ATP6V1G1: variants seen among roughly 807,000 people sequenced by gnomAD.
The protein encoded by ATP6V1G1 is V-type proton ATPase subunit G 1.
In ATP6V1G1, 14 loss-of-function variants were observed where a neutral mutation model predicts 14.2. The ratio of observed to expected loss-of-function variants is 0.99; its 90% CI spans 0.65 to 1.55. The LOEUF (loss-of-function observed/expected upper bound fraction) is 1.55. Among genes scored for constraint, ATP6V1G1 ranks in the 40% most tolerant of loss-of-function variants. The probability of loss-of-function intolerance (pLI) is 0.00; values close to 1 mark genes in which losing one functional copy is unlikely to be tolerated. For synonymous variants in ATP6V1G1, 65 were observed against 53.3 expected, an observed-to-expected ratio of 1.22 and a Z score of -0.96; for missense variants, 137 against 146.4, an observed-to-expected ratio of 0.94 and a Z score of 0.33.
intron 1 of ATP6V1G1, among the ~76,000 whole-genome samples, chr9:114,592,024 C>T (rs545460904): frequency 1.1e-3 from 172 of 152,320 alleles, no homozygotes; most frequent in African/African-American, 3.6e-3. Context: ...CATTCCTTCT[C>T]AGTCACCACT....
intron 2 of ATP6V1G1, among the ~76,000 whole-genome samples, chr9:114,594,863 T>C (rs1203907219): frequency 1.1e-4 from 1 of 9,136 alleles, no homozygotes; most frequent in African/African-American, 2.3e-3. Context: ...CTTTTTTTCT[T>C]TTTTTTTTTT....
chr9:114,588,048 G>A, intron 1 of ATP6V1G1, 128 bp downstream of exon 1: 1 of 1,042,106 alleles, frequency 9.6e-7, no homozygotes, highest in Non-Finnish European at 1.4e-6. Flanking sequence ...GGAAGGTTGT[G>A]TGTTTCGAAG....
rs186427512 is a variant in ATP6V1G1 at position 114,594,544 on chromosome 9, C to T, written c.183+1892C>T. ...GACTGCAGGTGTGCGCCACCATGCCCGGCTAATTTTTGTATTTTTAGAAGA... is the reference window on the plus strand; with the variant it reads ...GACTGCAGGTGTGCGCCACCATGCCTGGCTAATTTTTGTATTTTTAGAAGA... On this transcript the variant is annotated intron_variant, in intron 2 of 2. Coordinates refer to ENST00000374050, the MANE Select transcript of ATP6V1G1 (RefSeq NM_004888.4). Among the ~76,000 whole-genome samples the T allele has an allele frequency of 3.4e-3, 521 of 151,466 alleles. 26 individuals carry two copies. In the South Asian group the frequency reaches 0.073, roughly 21 times the overall value.
At chr9:114,592,831 T>C (rs1186773432) in intron 2 of ATP6V1G1, among the ~76,000 whole-genome samples, 179 bp downstream of exon 2, 2 of 152,234 alleles carry the variant, frequency 1.3e-5, no homozygotes, top group Non-Finnish European at 2.9e-5. Context: ...CCATTCATAT[T>C]GATTTCTAAT....
At chr9:114,589,759 T>A (rs1326357135) in intron 1 of ATP6V1G1, among the ~76,000 whole-genome samples, 1 of 138,032 alleles carries the variant, frequency 7.2e-6, no homozygotes, top group Non-Finnish European at 1.5e-5. Flanking sequence ...GAGAATAGAT[T>A]GGGGAAGTGC....
chr9:114,594,314 C>T (rs1215496778), intron 2 of ATP6V1G1, among the ~76,000 whole-genome samples: 6 of 151,778 alleles, frequency 4.0e-5, no homozygotes, highest in Admixed American at 3.9e-4. Context: ...GGTGATCTGC[C>T]TGCCCCGGCC....
Position 114,587,856 on chromosome 9 carries a change from G to T in ATP6V1G1, c.18G>T (p.Gln6His). The change falls in exon 1 of 3, where the codon CAG becomes CAT. Residue 6 changes from glutamine (Q) to histidine (H), a missense_variant. Coordinates refer to ENST00000374050, the MANE Select transcript of ATP6V1G1 (RefSeq NM_004888.4). The stretch of plus-strand genomic sequence containing the variant: ...CTGCCGCCATGGCTAGTCAGTCTCA[G>T]GGGATTCAGCAGCTGCTGCAGGCCG... The part of the protein sequence containing the change: MASQS[Q>H]GIQQLLQAEK... 6.3e-7 allele frequency: 1 copy of T among 1,594,244 alleles called. No homozygotes were observed. Among genetic ancestry groups the T allele is most frequent in the East Asian group, 2.3e-5 (1 of 44,154 alleles).
chr9:114,597,520 C>T, intron 2 of ATP6V1G1, 50 bp from the exon 3 acceptor site: 1 of 1,405,030 alleles, frequency 7.1e-7, no homozygotes, highest in South Asian at 1.8e-5. Flanking sequence ...ACCTGACCAA[C>T]CAGAGCATTG....
chr9:114,591,977 A>G (rs977163837), intron 1 of ATP6V1G1, among the ~76,000 whole-genome samples: 4 of 152,148 alleles, frequency 2.6e-5, no homozygotes, highest in Admixed American at 6.5e-5. Context: ...TCTCTCAGCC[A>G]CTTGTGCAGT....
At position 114,587,939 on chromosome 9, in the gene ATP6V1G1, C is replaced by G; in HGVS notation, c.82+19C>G. ...CGCAAAAGTGAGTTTCAGGGTGGGG[C>G]TGCCCGGCGTGGCGCGAGTCGAAGA... On this transcript the variant is annotated intron_variant, in intron 1 of 2. Transcript: ENST00000374050. 1 of 1,560,028 alleles carries G rather than the reference C, an allele frequency of 6.4e-7. No homozygotes were observed. Among genetic ancestry groups the G allele is most frequent in the South Asian group, 1.2e-5 (1 of 84,640 alleles).
rs746753300 is a variant in ATP6V1G1, at chr9:114,587,879, C to T, written c.41C>T (p.Ala14Val). 3 of 1,593,138 alleles carry T rather than the reference C, an allele frequency of 1.9e-6. No homozygotes were observed. Among genetic ancestry groups the T allele is most frequent in the Non-Finnish European group, 2.6e-6 (3 of 1,170,548 alleles). The part of the protein sequence containing the change: ...QSQGIQQLLQ[A>V]EKRAAEKVSE... ...CAGGGGATTCAGCAGCTGCTGCAGG[C>T]CGAGAAGCGGGCAGCCGAGAAGGTG... Residue 14 changes from alanine to valine, a missense_variant, in exon 1 of 3, where the codon GCC becomes GTC. By Grantham distance (64) the Ala-to-Val change is moderately conservative (BLOSUM62 0). Transcript: ENST00000374050.
At position 114,597,567 on chromosome 9, in the gene ATP6V1G1, C is replaced by T. The variant is rs1326867082; in HGVS notation, c.184-3C>T. ...CCTCCGTGACATCACTCCCCATCTC[C>T]AGGCATTGGGATCCCGTGGCAGTTG... On this transcript the variant is annotated splice_polypyrimidine_tract_variant and splice_region_variant and intron_variant, in intron 2 of 2. Coordinates refer to ENST00000374050, the MANE Select transcript of ATP6V1G1 (RefSeq NM_004888.4). 5 of 1,492,988 alleles carry T rather than the reference C, an allele frequency of 3.3e-6. No homozygotes were observed. In the Admixed American group the frequency reaches 7.2e-5, roughly 21 times the overall value. The allele number at this position is 1,492,988 out of a possible 1,614,324, so 92.5% of individuals were successfully genotyped here.
chr9:114,589,662 T>G (rs1040310365), intron 1 of ATP6V1G1, among the ~76,000 whole-genome samples: 3 of 152,222 alleles, frequency 2.0e-5, no homozygotes, highest in African/African-American at 7.2e-5. Context: ...AGTCATGCCC[T>G]TGATAGTGTA....
rs1845136728 is a variant in ATP6V1G1, at chr9:114,587,787, G to A, written c.-52G>A. 1.9e-6 allele frequency: 3 copies of A among 1,539,462 alleles called. No individual in the cohort carries two copies. Among genetic ancestry groups the A allele is most frequent in the Non-Finnish European group, 1.8e-6 (2 of 1,136,474 alleles). ...GGCGGCTGTGTCAGCTGACCCAAGGGGCCTTCGAGGTGCCTTAGGCCGCTT... is the reference window on the plus strand; with the variant it reads ...GGCGGCTGTGTCAGCTGACCCAAGGAGCCTTCGAGGTGCCTTAGGCCGCTT... On this transcript the variant is annotated 5_prime_UTR_variant, in exon 1 of 3. Transcript: ENST00000374050.
chr9:114,588,169 G>A (rs1379608486), intron 1 of ATP6V1G1: 7 of 542,782 alleles, frequency 1.3e-5, no homozygotes, highest in Non-Finnish European at 2.3e-5. Context: ...GGGCCTGGAG[G>A]CATGTGAAAT....
intron 1 of ATP6V1G1, among the ~76,000 whole-genome samples, chr9:114,589,477 A>G (rs1431559352): frequency 6.6e-6 from 1 of 152,072 alleles, no homozygotes; most frequent in South Asian, 2.1e-4. Flanking sequence ...TTCTCCTAGT[A>G]TAGGAGTTAT....
At chr9:114,591,167 T>C (rs139506182) in intron 1 of ATP6V1G1, among the ~76,000 whole-genome samples, 2 of 152,318 alleles carry the variant, frequency 1.3e-5, no homozygotes, top group African/African-American at 4.8e-5. Context: ...CTGGCTCCCA[T>C]ATGTAAGGCC....
intron 1 of ATP6V1G1, 175 bp downstream of exon 1, chr9:114,588,095 G>A: frequency 2.9e-6 from 2 of 681,018 alleles, no homozygotes; most frequent in Non-Finnish European, 4.9e-6. Flanking sequence ...CTTGCGGATC[G>A]CCTGGAAGCC....
At chr9:114,588,151 C>T (rs1845145665) in intron 1 of ATP6V1G1, 1 of 578,118 alleles carries the variant, frequency 1.7e-6, no homozygotes, top group Non-Finnish European at 3.1e-6. Flanking sequence ...AATGGGTTAC[C>T]GTCCTTGGGG....
Sources: gnomAD v4.1 joint callset for allele counts (sites outside exome capture counted in the v4.1 genomes callset) on GRCh38, gnomAD v4.1.1 for gene constraint, MANE v1.5 for transcripts, NCBI Gene and HGNC (gene_info 2026-07-23, HGNC 2026-07-21) for gene names.